RASSF9: variants seen among roughly 807,000 people sequenced by gnomAD.
The protein encoded by RASSF9 is Ras association domain family member 9.
A neutral mutation model predicts 21.4 loss-of-function variants in RASSF9; 18 were observed. That is an observed-to-expected ratio of 0.84 (90% CI 0.58 to 1.25). The LOEUF (loss-of-function observed/expected upper bound fraction) is 1.25. RASSF9 is among the 50% of genes most tolerant of loss of function. The pLI is 0.00. For missense variants in RASSF9, 480 were observed against 503.2 expected (o/e 0.95, Z 0.44); for synonymous variants, 183 against 179.1 (o/e 1.02, Z -0.18).
At chr12:85,817,065 T>G (rs1222056521) in intron 1 of RASSF9, among the ~76,000 whole-genome samples, 1 of 152,108 alleles carries the variant, frequency 6.6e-6, no homozygotes, top group African/African-American at 2.4e-5. Flanking sequence ...ATGTATAGAA[T>G]GTGTAGAAAT....
intron 1 of RASSF9, among the ~76,000 whole-genome samples, chr12:85,830,633 C>A (rs1319225050): frequency 6.6e-6 from 1 of 151,948 alleles, no homozygotes; most frequent in African/African-American, 2.4e-5. Context: ...AAGATATAAA[C>A]CTCTGAGTAT....
intron 1 of RASSF9, among the ~76,000 whole-genome samples, chr12:85,807,421 A>G (rs1023417119): frequency 1.3e-5 from 2 of 152,136 alleles, no homozygotes; most frequent in South Asian, 4.1e-4. Context: ...AAGCAACTGG[A>G]AAGTTTTAAG....
chr12:85,819,107 T>G (rs1435018155), intron 1 of RASSF9, among the ~76,000 whole-genome samples: 2 of 151,856 alleles, frequency 1.3e-5, no homozygotes, highest in Admixed American at 1.3e-4. Flanking sequence ...CATGGTATTG[T>G]AAACCTACAA....
intron 1 of RASSF9, among the ~76,000 whole-genome samples, chr12:85,826,555 A>C (rs1344825775): frequency 1.4e-5 from 2 of 140,632 alleles, no homozygotes; most frequent in African/African-American, 2.9e-5. Context: ...TCACGCCATT[A>C]TCCTGCCTTA....
At chr12:85,833,454 T>C (rs1031397885) in intron 1 of RASSF9, among the ~76,000 whole-genome samples, 1 of 151,966 alleles carries the variant, frequency 6.6e-6, no homozygotes, top group African/African-American at 2.4e-5. Context: ...TATTGCCTCA[T>C]ACTTTGAAGT....
chr12:85,811,527 T>C (rs1879953322), intron 1 of RASSF9, among the ~76,000 whole-genome samples: 1 of 151,854 alleles, frequency 6.6e-6, no homozygotes, highest in Admixed American at 6.6e-5. Flanking sequence ...AAGCATTTAC[T>C]CAAAAAAGTG....
chr12:85,800,815 A>G lies in RASSF9; in HGVS notation c.*3887T>C, dbSNP rs1285546809. 4 of 151,932 alleles carry G rather than the reference A, an allele frequency of 2.6e-5. No individual in the cohort carries two copies. The highest frequency in any genetic ancestry group is 9.7e-5 in the African/African-American group (4 of 41,426). The allele number at this position is 151,932 out of a possible 1,614,324, so 9.4% of individuals were successfully genotyped here. A position where few individuals can be genotyped will look rare whatever the true frequency, so the allele number is the denominator to read the frequency against. ...TAAACCAATCAGGCAGTATGAAAAG[A>G]AATAGCCTAGTATTTAAAAACTATA... On this transcript the variant is annotated 3_prime_UTR_variant, in exon 2 of 2. Coordinates refer to ENST00000361228, the MANE Select transcript of RASSF9 (RefSeq NM_005447.4).
At chr12:85,815,026 T>C (rs1880030253) in intron 1 of RASSF9, among the ~76,000 whole-genome samples, 1 of 151,976 alleles carries the variant, frequency 6.6e-6, no homozygotes, top group African/African-American at 2.4e-5. Flanking sequence ...ATTTCTGTCC[T>C]GGACAGAAGG....
At chr12:85,825,160 G>C (rs550139290) in intron 1 of RASSF9, among the ~76,000 whole-genome samples, 1 of 152,074 alleles carries the variant, frequency 6.6e-6, no homozygotes, top group Admixed American at 6.5e-5. Flanking sequence ...GTGCCACTAT[G>C]CCTGATTAAT....
intron 1 of RASSF9, among the ~76,000 whole-genome samples, chr12:85,818,978 A>G (rs1352133667): frequency 2.0e-5 from 3 of 151,442 alleles, no homozygotes; most frequent in Admixed American, 2.0e-4. Context: ...AAAAAAAAAA[A>G]AAGGAACTGT....
chr12:85,832,983 G>A (rs1880482493), intron 1 of RASSF9, among the ~76,000 whole-genome samples: 1 of 151,746 alleles, frequency 6.6e-6, no homozygotes, highest in African/African-American at 2.4e-5. Context: ...GAAATGAAAA[G>A]CCTGATTATA....
chr12:85,809,382 C>T (rs1879902492), intron 1 of RASSF9, among the ~76,000 whole-genome samples: 1 of 152,098 alleles, frequency 6.6e-6, no homozygotes, highest in African/African-American at 2.4e-5. Flanking sequence ...ACTTTTTCCA[C>T]TAGGCAGCCA....
At chr12:85,816,115 A>G (rs993802104) in intron 1 of RASSF9, among the ~76,000 whole-genome samples, 1 of 152,050 alleles carries the variant, frequency 6.6e-6, no homozygotes, top group African/African-American at 2.4e-5. Context: ...ATGAGAACAC[A>G]TGGACATATA....
At chr12:85,810,100 C>T (rs17346057) in intron 1 of RASSF9, among the ~76,000 whole-genome samples, 27,121 of 151,822 alleles carry the variant, frequency 0.18, 2,653 homozygotes, top group African/African-American at 0.22. Flanking sequence ...TTACTGAATT[C>T]AGGCAATAAA....
chr12:85,819,296 C>T (rs1168077644), intron 1 of RASSF9, among the ~76,000 whole-genome samples: 1 of 151,864 alleles, frequency 6.6e-6, no homozygotes, highest in African/African-American at 2.4e-5. Flanking sequence ...GCCTCAGCCT[C>T]CCAAGGTGCT....
At chr12:85,835,044 C>T (rs574220795) in intron 1 of RASSF9, among the ~76,000 whole-genome samples, 1 of 152,124 alleles carries the variant, frequency 6.6e-6, no homozygotes, top group East Asian at 1.9e-4. Flanking sequence ...ATCATGAATA[C>T]ATTTGGAATG....
In RASSF9 at chr12:85,801,465, A is replaced by C. The variant is rs961894462; in HGVS notation, c.*3237T>G. On this transcript the variant is annotated 3_prime_UTR_variant, in exon 2 of 2. Transcript: ENST00000361228. ...CAATTCAAAAAGGGAGCAGGGGGCA[A>C]AGAAGTTAATAGGAAAGAGTAAGGC... 6.6e-6 allele frequency: 1 copy of C among 152,216 alleles called. No individual in the cohort carries two copies. Among genetic ancestry groups the C allele is most frequent in the Non-Finnish European group, 1.5e-5 (1 of 68,040 alleles). The allele number at this position is 152,216 out of a possible 1,614,324, so 9.4% of individuals were successfully genotyped here.
chr12:85,803,510 AG>A lies in RASSF9; in HGVS notation c.*1191del, dbSNP rs1879747876. ...GAGAAGGAGAGATGAAGGCAGGAAA[AG>A]AGAGGAAGTAAGGCAGACAGGAAGG... is the stretch of plus-strand genomic sequence containing the variant. On this transcript the variant is annotated 3_prime_UTR_variant, in exon 2 of 2. Coordinates refer to ENST00000361228, the MANE Select transcript of RASSF9 (RefSeq NM_005447.4). 6.6e-6 allele frequency: 1 copy of A among 152,168 alleles called. No homozygotes were observed. Among genetic ancestry groups the A allele is most frequent in the Non-Finnish European group, 1.5e-5 (1 of 68,034 alleles). The allele number at this position is 152,168 out of a possible 1,614,324, so 9.4% of individuals were successfully genotyped here. A position where few individuals can be genotyped will look rare whatever the true frequency, so the allele number is the denominator to read the frequency against.
intron 1 of RASSF9, among the ~76,000 whole-genome samples, chr12:85,816,687 TACAG>T (rs1178238626): frequency 6.6e-6 from 1 of 152,068 alleles, no homozygotes; most frequent in Non-Finnish European, 1.5e-5. Context: ...GAAATAATAA[TACAG>T]AGAAAAAAAT....
Sources: allele counts gnomAD v4.1 joint callset (sites outside exome capture counted in the v4.1 genomes callset), GRCh38; gene constraint gnomAD v4.1.1; transcripts MANE v1.5; gene names NCBI Gene and HGNC (gene_info 2026-07-23, HGNC 2026-07-21).